The following CAMK2D variants were observed in gnomAD, a reference collection of about 807,000 sequenced individuals.
CAMK2D encodes the protein calcium/calmodulin-dependent protein kinase type II subunit delta.
A neutral mutation model predicts 84.0 loss-of-function variants in CAMK2D; 37 were observed. The ratio of observed to expected loss-of-function variants is 0.44; its 90% CI spans 0.34 to 0.58. The LOEUF (loss-of-function observed/expected upper bound fraction) is 0.58. CAMK2D is among the 20% of genes least tolerant of loss of function. The pLI is 0.02. For synonymous variants in CAMK2D, 202 were observed against 212.5 expected (o/e 0.95, Z 0.43); for missense variants, 448 against 652.5 (o/e 0.69, Z 3.41).
intron 2 of CAMK2D, chr4:113,679,567 G>A (rs2099332787): frequency 2.3e-6 from 1 of 444,304 alleles, no homozygotes; most frequent in African/African-American, 2.1e-5. Flanking sequence ...CCTTAACCAT[G>A]GGTAGAGAAA....
intron 3 of CAMK2D, among the ~76,000 whole-genome samples, chr4:113,645,380 G>T (rs919087277): frequency 1.3e-5 from 2 of 152,154 alleles, no homozygotes; most frequent in Non-Finnish European, 2.9e-5. Flanking sequence ...ATAAGTAAAG[G>T]TTTATTGGAA....
intron 16 of CAMK2D, among the ~76,000 whole-genome samples, chr4:113,467,822 G>A (rs2097493726): frequency 6.6e-6 from 1 of 152,156 alleles, no homozygotes; most frequent in Admixed American, 6.5e-5. Context: ...TTTGGCAAAA[G>A]CTAATGACAG....
chr4:113,499,539 T>A (rs2098000360), intron 16 of CAMK2D, among the ~76,000 whole-genome samples: 5 of 152,220 alleles, frequency 3.3e-5, no homozygotes. Flanking sequence ...TTTACAAGAC[T>A]TTATTGTATT....
At chr4:113,496,379 T>C (rs191417726) in intron 16 of CAMK2D, among the ~76,000 whole-genome samples, 2 of 152,046 alleles carry the variant, frequency 1.3e-5, no homozygotes, top group East Asian at 1.9e-4. Flanking sequence ...TTTTCTTATA[T>C]AGGATGGGCA....
intron 4 of CAMK2D, among the ~76,000 whole-genome samples, chr4:113,571,569 T>C (rs1346025736): frequency 2.0e-5 from 3 of 152,186 alleles, no homozygotes; most frequent in African/African-American, 7.2e-5. Context: ...ACTTATAATG[T>C]GCAGTTTAAA....
At chr4:113,651,946 AAT>A (rs1212368881) in intron 3 of CAMK2D, among the ~76,000 whole-genome samples, 3 of 152,192 alleles carry the variant, frequency 2.0e-5, no homozygotes, top group Non-Finnish European at 2.9e-5. Context: ...TTTGAATAAT[AAT>A]GTCATGCTAA....
At chr4:113,548,175 T>A (rs1350417178) in intron 5 of CAMK2D, among the ~76,000 whole-genome samples, 1 of 152,222 alleles carries the variant, frequency 6.6e-6, no homozygotes, top group African/African-American at 2.4e-5. Context: ...GAATTTTTGA[T>A]AAATCATTAA....
At chr4:113,700,071 T>C (rs1460536425) in intron 2 of CAMK2D, among the ~76,000 whole-genome samples, 3 of 152,174 alleles carry the variant, frequency 2.0e-5, no homozygotes, top group Admixed American at 2.0e-4. Flanking sequence ...AAGTATGTAA[T>C]ATCCAACGGG....
At chr4:113,600,101 A>G (rs577215775) in intron 4 of CAMK2D, among the ~76,000 whole-genome samples, 239 of 152,366 alleles carry the variant, frequency 1.6e-3, no homozygotes, top group African/African-American at 5.2e-3. Context: ...CTATGGAGAC[A>G]GTAAAAGATT....
chr4:113,561,537 G>T (rs2098698839), intron 4 of CAMK2D, among the ~76,000 whole-genome samples: 1 of 151,972 alleles, frequency 6.6e-6, no homozygotes, highest in Non-Finnish European at 1.5e-5. Flanking sequence ...CATTCTTTTT[G>T]GTATACTCTA....
chr4:113,474,498 CTTTTTTTT>C (rs70961831), intron 16 of CAMK2D, among the ~76,000 whole-genome samples: 4,864 of 89,836 alleles, frequency 0.054, 108 homozygotes, highest in Non-Finnish European at 0.075. Flanking sequence ...CCTTTTTGGC[CTTTTTTTT>C]TTTTTTTTTT....
chr4:113,647,100 C>T (rs17630825), intron 3 of CAMK2D, among the ~76,000 whole-genome samples: 16,935 of 151,986 alleles, frequency 0.11, 1,243 homozygotes, highest in East Asian at 0.21. Context: ...GGAAAAGACC[C>T]GTCAAAATTA....
Position 113,761,207 on chromosome 4 carries a change from G to C in CAMK2D, c.-139C>G. The C allele has an allele frequency of 2.6e-6, 4 of 1,535,768 alleles. No homozygotes were observed. Among genetic ancestry groups the C allele is most frequent in the Non-Finnish European group, 3.5e-6 (4 of 1,145,338 alleles). On this transcript the variant is annotated 5_prime_UTR_variant, in exon 1 of 21. Coordinates refer to ENST00000511664, the MANE Select transcript of CAMK2D (RefSeq NM_001321571.2). ...CCTGGTCCGAAAGTAGCTCGCCCGC[G>C]AGGGAGTGTGCGCAGGGGCGGGGCG...
intron 2 of CAMK2D, chr4:113,679,413 C>A: frequency 3.1e-6 from 3 of 957,936 alleles, no homozygotes; most frequent in Non-Finnish European, 3.7e-6. Flanking sequence ...CTCTCCCCAG[C>A]CATTTTCTTT....
chr4:113,537,941 T>C (rs1487999510), intron 6 of CAMK2D, among the ~76,000 whole-genome samples: 1 of 152,234 alleles, frequency 6.6e-6, no homozygotes, highest in Non-Finnish European at 1.5e-5. Context: ...TTTTGATTCC[T>C]CAATGTTTCC....
intron 4 of CAMK2D, among the ~76,000 whole-genome samples, chr4:113,560,818 G>C (rs1295122738): frequency 6.6e-6 from 1 of 152,096 alleles, no homozygotes; most frequent in African/African-American, 2.4e-5. Flanking sequence ...ATGCTTCCTA[G>C]AGGGCTCCAC....
chr4:113,693,991 G>A (rs1250479075), intron 2 of CAMK2D, among the ~76,000 whole-genome samples: 1 of 152,012 alleles, frequency 6.6e-6, no homozygotes, highest in East Asian at 1.9e-4. Context: ...GCATTACCAA[G>A]CAAAAACCAA....
At chr4:113,717,977 C>T (rs1204536380) in intron 2 of CAMK2D, among the ~76,000 whole-genome samples, 1 of 151,866 alleles carries the variant, frequency 6.6e-6, no homozygotes, top group Non-Finnish European at 1.5e-5. Context: ...TTAAGTGGCA[C>T]AAGGAGAAGA....
rs540104905 is a variant in CAMK2D, at chr4:113,682,934, AAGACTCAT to A, written c.161-21170_161-21163del. On this transcript the variant is annotated intron_variant, in intron 2 of 20. Transcript: ENST00000511664. ...TTCACTGCTTTACTTAGATAAATAA[AAGACTCAT>A]AGTTTCATCATGTTCAATCATCTGC... Among the ~76,000 whole-genome samples, 115 of 152,346 alleles carry A rather than the reference AAGACTCAT, an allele frequency of 7.5e-4. 1 individual carries two copies. The Middle Eastern group carries it at 0.017, about 23-fold the overall frequency.
Sources: gnomAD v4.1 joint callset for allele counts (sites outside exome capture counted in the v4.1 genomes callset) on GRCh38, gnomAD v4.1.1 for gene constraint, MANE v1.5 for transcripts, NCBI Gene and HGNC (gene_info 2026-07-23, HGNC 2026-07-21) for gene names.